Variants in PPM1L observed in about 807,000 individuals in gnomAD.
PPM1L encodes protein phosphatase, Mg2+/Mn2+ dependent 1L, also known as protein phosphatase 1L.
PPM1L carries 13 observed loss-of-function variants against 31.4 expected under a neutral mutation model. The ratio of observed to expected loss-of-function variants is 0.41; its 90% CI spans 0.27 to 0.66. PPM1L has a LOEUF of 0.66. Among genes scored for constraint, PPM1L ranks in the 30% least tolerant of loss-of-function variants. The pLI is 0.29. For missense variants in PPM1L, 326 were observed against 453.7 expected (o/e 0.72, Z 2.56); for synonymous variants, 184 against 175.4 (o/e 1.05, Z -0.39).
Position 160,944,818 on chromosome 3 carries a change from ATG to A in PPM1L, c.400-16916_400-16915del, listed in dbSNP as rs1348064988. Among the ~76,000 whole-genome samples, 3 of 30,100 alleles carry A rather than the reference ATG, an allele frequency of 1.0e-4. 1 individual carries two copies. The highest frequency in any genetic ancestry group is 4.1e-4 in the East Asian group (1 of 2,416). 19.7% of individuals were successfully genotyped at this position (30,100 alleles called of 152,430 possible). A position where few individuals can be genotyped will look rare whatever the true frequency, so the allele number is the denominator to read the frequency against. ...TATATATAACATATATAACATATAT[ATG>A]TTATATATAACATATATATGTTATA... is the stretch of plus-strand genomic sequence containing the variant. On this transcript the variant is annotated intron_variant, in intron 1 of 3. Transcript: ENST00000498165.
chr3:160,883,212 C>A (rs1424499508), intron 1 of PPM1L, among the ~76,000 whole-genome samples: 2 of 152,048 alleles, frequency 1.3e-5, no homozygotes, highest in South Asian at 4.1e-4. Flanking sequence ...TGTTGTTATG[C>A]ATGTATTATA....
At chr3:160,776,444 CA>C (rs1392152398) in intron 1 of PPM1L, among the ~76,000 whole-genome samples, 1 of 152,144 alleles carries the variant, frequency 6.6e-6, no homozygotes, top group Non-Finnish European at 1.5e-5. Context: ...CTTCCCTTGG[CA>C]GTGTTGAATC....
chr3:160,904,293 T>A (rs1464919167), intron 1 of PPM1L, among the ~76,000 whole-genome samples: 2 of 152,222 alleles, frequency 1.3e-5, no homozygotes, highest in East Asian at 3.8e-4. Flanking sequence ...ATGGGTCTGT[T>A]AAGTACTTTT....
At chr3:161,050,949 A>C (rs1267516042) in intron 2 of PPM1L, among the ~76,000 whole-genome samples, 1 of 152,236 alleles carries the variant, frequency 6.6e-6, no homozygotes, top group Non-Finnish European at 1.5e-5. Context: ...ATTACAAAGA[A>C]ATCCTCTCTT....
intron 1 of PPM1L, among the ~76,000 whole-genome samples, chr3:160,935,840 G>T (rs1188943109): frequency 6.6e-6 from 1 of 152,214 alleles, no homozygotes; most frequent in East Asian, 1.9e-4. Flanking sequence ...TTGTAGTCTT[G>T]TAGAAAAATC....
intron 1 of PPM1L, among the ~76,000 whole-genome samples, chr3:160,849,452 C>T (rs990222202): frequency 5.3e-5 from 8 of 151,040 alleles, no homozygotes; most frequent in Admixed American, 2.0e-4. Flanking sequence ...CTCGCTCTGT[C>T]GCCCAGGCTG....
chr3:160,762,286 C>T (rs137988786), intron 1 of PPM1L, among the ~76,000 whole-genome samples: 1 of 152,220 alleles, frequency 6.6e-6, no homozygotes, highest in Non-Finnish European at 1.5e-5. Flanking sequence ...TAAAATGGCA[C>T]ATTAAAGTTT....
intron 2 of PPM1L, among the ~76,000 whole-genome samples, chr3:161,038,136 A>G (rs1053452353): frequency 1.3e-5 from 2 of 149,848 alleles, no homozygotes; most frequent in African/African-American, 4.9e-5. Context: ...CGGGAGGCTG[A>G]GGCAGGAGAA....
chr3:160,865,954 G>A (rs565090330), intron 1 of PPM1L, among the ~76,000 whole-genome samples: 2 of 152,266 alleles, frequency 1.3e-5, no homozygotes, highest in South Asian at 2.1e-4. Context: ...GTATCTCTTA[G>A]CATCAGAAGT....
At chr3:160,889,225 T>C (rs903939482) in intron 1 of PPM1L, among the ~76,000 whole-genome samples, 6 of 152,098 alleles carry the variant, frequency 3.9e-5, no homozygotes, top group African/African-American at 1.4e-4. Flanking sequence ...AGTTGGTTTT[T>C]TGAAAAAATT....
chr3:160,832,947 G>A (rs1274836865), intron 1 of PPM1L, among the ~76,000 whole-genome samples: 1 of 152,064 alleles, frequency 6.6e-6, no homozygotes, highest in African/African-American at 2.4e-5. Context: ...AGGCCCCAGT[G>A]TGTGTTGTTC....
At chr3:160,878,819 A>G (rs1560135982) in intron 1 of PPM1L, among the ~76,000 whole-genome samples, 1 of 152,340 alleles carries the variant, frequency 6.6e-6, no homozygotes, top group Non-Finnish European at 1.5e-5. Flanking sequence ...ATCATGATGT[A>G]GAATATCTTT....
intron 2 of PPM1L, among the ~76,000 whole-genome samples, chr3:160,965,405 C>A (rs1716109490): frequency 6.6e-6 from 1 of 152,052 alleles, no homozygotes. Flanking sequence ...CTGTACTTCA[C>A]ATACACCCAT....
chr3:160,970,817 A>T (rs1576751901), intron 2 of PPM1L, among the ~76,000 whole-genome samples: 2 of 70,602 alleles, frequency 2.8e-5, no homozygotes, highest in Non-Finnish European at 2.6e-5. Context: ...TTTGAGACGG[A>T]GTCTCGCTGT....
chr3:160,997,734 G>A (rs1036987855), intron 2 of PPM1L, among the ~76,000 whole-genome samples: 1 of 152,128 alleles, frequency 6.6e-6, no homozygotes, highest in African/African-American at 2.4e-5. Flanking sequence ...TGAAGAGTGG[G>A]TGTGGTGGGG....
chr3:160,765,205 A>G (rs1284383134), intron 1 of PPM1L, among the ~76,000 whole-genome samples: 1 of 152,220 alleles, frequency 6.6e-6, no homozygotes, highest in African/African-American at 2.4e-5. Flanking sequence ...TAATTTGCCC[A>G]TGGTCTCTCA....
chr3:160,934,118 A>AT lies in PPM1L; in HGVS notation c.400-27612dup, dbSNP rs571810463. Among the ~76,000 whole-genome samples the AT allele has an allele frequency of 2.9e-3, 441 of 152,316 alleles. 1 individual carries two copies. The highest frequency in any genetic ancestry group is 0.01 in the African/African-American group (425 of 41,564). On this transcript the variant is annotated intron_variant, in intron 1 of 3. Coordinates refer to ENST00000498165, the MANE Select transcript of PPM1L (RefSeq NM_139245.4). ...TGAAAATAAGAAATCTGGATGATCA[A>AT]TTTTTTAAAAAGTGGCAACCATTAA... is the stretch of plus-strand genomic sequence containing the variant.
At chr3:160,882,994 C>A (rs1246983114) in intron 1 of PPM1L, among the ~76,000 whole-genome samples, 2 of 152,156 alleles carry the variant, frequency 1.3e-5, no homozygotes, top group African/African-American at 4.8e-5. Flanking sequence ...ATATAGTAAA[C>A]CTGTATTAAT....
At chr3:160,854,597 G>A (rs2108115633) in intron 1 of PPM1L, among the ~76,000 whole-genome samples, 1 of 151,564 alleles carries the variant, frequency 6.6e-6, no homozygotes, top group African/African-American at 2.4e-5. Flanking sequence ...TCACAGTAGA[G>A]ACACATACAC....
Sources: allele counts gnomAD v4.1 joint callset (sites outside exome capture counted in the v4.1 genomes callset), GRCh38; gene constraint gnomAD v4.1.1; transcripts MANE v1.5; gene names NCBI Gene and HGNC (gene_info 2026-07-23, HGNC 2026-07-21).